The following SYT9 variants were observed in gnomAD, a reference collection of about 807,000 sequenced individuals.
SYT9 encodes synaptotagmin 9.
A neutral mutation model predicts 48.4 loss-of-function variants in SYT9; 22 were observed. The ratio of observed to expected loss-of-function variants is 0.45; its 90% CI spans 0.32 to 0.65. The LOEUF is 0.65. Among genes scored for constraint, SYT9 ranks in the 30% least tolerant of loss-of-function variants. The pLI is 0.03. For missense variants in SYT9, 577 were observed against 622.0 expected, an observed-to-expected ratio of 0.93 and a Z score of 0.77; for synonymous variants, 265 against 245.0, an observed-to-expected ratio of 1.08 and a Z score of -0.76.
intron 1 of SYT9, among the ~76,000 whole-genome samples, chr11:7,270,830 CAG>C (rs1244484219): frequency 2.5e-5 from 2 of 81,462 alleles, no homozygotes; most frequent in African/African-American, 4.6e-5. Flanking sequence ...GCACAAGACA[CAG>C]ACACACACAC....
intron 3 of SYT9, among the ~76,000 whole-genome samples, chr11:7,393,759 T>A (rs962024153): frequency 1.3e-5 from 2 of 152,084 alleles, no homozygotes; most frequent in Admixed American, 6.6e-5. Flanking sequence ...TATTACTGAT[T>A]CAATTTCTGA....
chr11:7,396,107 AAAATT>A (rs1846746669), intron 3 of SYT9, among the ~76,000 whole-genome samples: 1 of 152,142 alleles, frequency 6.6e-6, no homozygotes. Context: ...TACATATAAT[AAAATT>A]AACCAATTTT....
chr11:7,320,084 A>G (rs1283812682), intron 3 of SYT9, among the ~76,000 whole-genome samples: 2 of 152,172 alleles, frequency 1.3e-5, no homozygotes, highest in African/African-American at 4.8e-5. Flanking sequence ...TGTGTATTAT[A>G]TATTTGTCTT....
At chr11:7,294,004 CTT>C (rs1848742008) in intron 1 of SYT9, among the ~76,000 whole-genome samples, 1 of 152,186 alleles carries the variant, frequency 6.6e-6, no homozygotes, top group African/African-American at 2.4e-5. Flanking sequence ...GACTAGATGG[CTT>C]ATAAACAGTA....
At position 7,303,238 on chromosome 11, in the gene SYT9, C is replaced by T; in HGVS notation, c.345C>T (p.Phe115=). 1 of 1,614,154 alleles carries T rather than the reference C, an allele frequency of 6.2e-7. No individual in the cohort carries two copies. The highest frequency in any genetic ancestry group is 8.5e-7 in the Non-Finnish European group (1 of 1,180,034). The part of the protein sequence containing the change: ...ETNEQENSED[F]LDPPTPCPDS... ...ATGAGCAGGAGAACAGTGAGGACTT[C>T]CTAGATCCTCCCACGCCCTGCCCTG... Residue 115 remains phenylalanine (F), a synonymous_variant, in exon 2 of 7, where the codon TTC becomes TTT. Transcript: ENST00000318881.
At chr11:7,246,300 T>G (rs560796784) in intron 1 of SYT9, among the ~76,000 whole-genome samples, 1 of 152,332 alleles carries the variant, frequency 6.6e-6, no homozygotes, top group South Asian at 2.1e-4. Flanking sequence ...CCACGACAAG[T>G]ACAAGACTGA....
chr11:7,312,204 A>G lies in SYT9; in HGVS notation c.498-1191A>G, dbSNP rs555413472. Among the ~76,000 whole-genome samples, 57 of 152,306 alleles carry G rather than the reference A, an allele frequency of 3.7e-4. 2 individuals are homozygous for G. In the South Asian group the frequency reaches 0.011, roughly 30 times the overall value. On this transcript the variant is annotated intron_variant, in intron 2 of 6. Coordinates refer to ENST00000318881, the MANE Select transcript of SYT9 (RefSeq NM_175733.4). ...ATAAAGAGGAATGCTCAGCATAACAATATCTGTGGTGACAAGGGAGAATAC... is the reference window on the plus strand; with the variant it reads ...ATAAAGAGGAATGCTCAGCATAACAGTATCTGTGGTGACAAGGGAGAATAC...
chr11:7,448,986 T>C (rs546679406), intron 6 of SYT9, among the ~76,000 whole-genome samples: 1 of 152,118 alleles, frequency 6.6e-6, no homozygotes, highest in East Asian at 1.9e-4. Flanking sequence ...GTGTTGCTGA[T>C]GGAACCAGGG....
At chr11:7,279,863 A>C (rs147602166) in intron 1 of SYT9, among the ~76,000 whole-genome samples, 1 of 152,212 alleles carries the variant, frequency 6.6e-6, no homozygotes, top group African/African-American at 2.4e-5. Flanking sequence ...GTCAAGCCCA[A>C]CCCAAATGCC....
rs181617688 is a variant in SYT9, at chr11:7,448,746, G to A, written c.1468-18046G>A. Among the ~76,000 whole-genome samples, 172 of 152,270 alleles carry A rather than the reference G, an allele frequency of 1.1e-3. 1 individual carries two copies. The highest frequency in any genetic ancestry group is 3.5e-3 in the African/African-American group (145 of 41,560). ...ACTCACTTTTCATAGGCCTTCAAAC[G>A]TCATTCTTTAGCAGGGCCCAATGAG... On this transcript the variant is annotated intron_variant, in intron 6 of 6. Transcript: ENST00000318881.
At chr11:7,461,313 GTCT>G (rs1396323760) in intron 6 of SYT9, 1 of 152,022 alleles carries the variant, frequency 6.6e-6, no homozygotes, top group Non-Finnish European at 1.5e-5. Flanking sequence ...TGATTCTATA[GTCT>G]TCTTTTGACC....
Position 7,303,374 on chromosome 11 carries a change from C to G in SYT9, c.481C>G (p.Pro161Ala). The G allele has an allele frequency of 6.2e-7, 1 of 1,608,496 alleles. No individual in the cohort carries two copies. Among genetic ancestry groups the G allele is most frequent in the Non-Finnish European group, 8.5e-7 (1 of 1,178,168 alleles). ...CCGCGTGCAGCGCCAAGTCACAGAGCCAACCTCGTCGGCCCGGTCAGTAAT... is the reference window on the plus strand; with the variant it reads ...CCGCGTGCAGCGCCAAGTCACAGAGGCAACCTCGTCGGCCCGGTCAGTAAT... ...GVRVQRQVTE[P>A]TSSARHNSIR... is the part of the protein sequence containing the mutation. Residue 161 changes from proline (P) to alanine (A), a missense_variant, in exon 2 of 7, where the codon CCA becomes GCA. By Grantham distance (27) the Pro-to-Ala change is conservative (BLOSUM62 -1). Transcript: ENST00000318881.
At chr11:7,325,221 A>G (rs1849408930) in intron 3 of SYT9, among the ~76,000 whole-genome samples, 1 of 121,988 alleles carries the variant, frequency 8.2e-6, no homozygotes, top group East Asian at 3.1e-4. Flanking sequence ...CATTTTCACG[A>G]TATTGATTCT....
chr11:7,322,869 AT>A lies in SYT9; in HGVS notation c.1044+8929del, dbSNP rs1345988856. ...TATGTATAATTCCCTGTTTTTAAAA[AT>A]CATTTTACCACTTAAGAATAGGCTA... On this transcript the variant is annotated intron_variant, in intron 3 of 6. Transcript: ENST00000318881. 2.6e-5 allele frequency among the ~76,000 whole-genome samples: 4 copies of A among 152,232 alleles called. No individual in the cohort carries two copies. In the East Asian group the frequency reaches 7.7e-4, roughly 29 times the overall value.
intron 6 of SYT9, among the ~76,000 whole-genome samples, chr11:7,448,826 G>A (rs77550652): frequency 4.4e-4 from 67 of 152,264 alleles, no homozygotes; most frequent in African/African-American, 1.6e-3. Context: ...CTTTTCAGTC[G>A]TGGCTTCACG....
At chr11:7,298,708 G>A (rs1333772940) in intron 1 of SYT9, among the ~76,000 whole-genome samples, 1 of 151,804 alleles carries the variant, frequency 6.6e-6, no homozygotes, top group Non-Finnish European at 1.5e-5. Context: ...TGTCCAGCTG[G>A]AATGTCTGCT....
chr11:7,276,521 T>G (rs1278149068), intron 1 of SYT9, among the ~76,000 whole-genome samples: 1 of 152,208 alleles, frequency 6.6e-6, no homozygotes, highest in Non-Finnish European at 1.5e-5. Flanking sequence ...TAAGGTGGAA[T>G]GAATCTGGTG....
intron 3 of SYT9, among the ~76,000 whole-genome samples, chr11:7,406,559 T>TATATATATATATAC (rs922664189): frequency 2.9e-4 from 42 of 146,690 alleles, no homozygotes; most frequent in African/African-American, 9.9e-4. Flanking sequence ...TATATATATA[T>TATATATATATATAC]ATATATATAG....
intron 3 of SYT9, among the ~76,000 whole-genome samples, chr11:7,318,664 A>G (rs902742496): frequency 5.9e-5 from 9 of 152,194 alleles, no homozygotes; most frequent in African/African-American, 1.9e-4. Flanking sequence ...GTTTTACTCT[A>G]TTCAGAGTTG....
Sources: gnomAD v4.1 joint callset for allele counts (sites outside exome capture counted in the v4.1 genomes callset) on GRCh38, gnomAD v4.1.1 for gene constraint, MANE v1.5 for transcripts, NCBI Gene and HGNC (gene_info 2026-07-23, HGNC 2026-07-21) for gene names.